The following NAALADL2 variants were observed in gnomAD, a reference collection of about 807,000 sequenced individuals.
The protein encoded by NAALADL2 is N-acetylated alpha-linked acidic dipeptidase like 2, also known as inactive N-acetylated-alpha-linked acidic dipeptidase-like protein 2.
A neutral mutation model predicts 87.2 loss-of-function variants in NAALADL2; 76 were observed. The observed-to-expected ratio is 0.87, with a 90% CI of 0.72 to 1.05. The LOEUF (loss-of-function observed/expected upper bound fraction) is 1.05, where lower values mean the gene tolerates loss of function less well. Ranked by LOEUF, NAALADL2 falls within the 50% of genes least tolerant of loss-of-function variation. The pLI, the probability that NAALADL2 is intolerant of heterozygous loss-of-function variation, is 0.00. For synonymous variants in NAALADL2, 354 were observed against 331.0 expected, an observed-to-expected ratio of 1.07 and a Z score of -0.75; for missense variants, 1,089 against 945.8, an observed-to-expected ratio of 1.15 and a Z score of -1.99.
chr3:174,629,879 G>A (rs1429568397), intron 2 of NAALADL2, among the ~76,000 whole-genome samples: 1 of 152,152 alleles, frequency 6.6e-6, no homozygotes, highest in East Asian at 1.9e-4. Context: ...GAGCAATTTT[G>A]CCCTGGACCA....
intron 1 of NAALADL2, among the ~76,000 whole-genome samples, chr3:174,507,244 T>G (rs1056025190): frequency 3.3e-5 from 5 of 152,210 alleles, no homozygotes; most frequent in African/African-American, 1.2e-4. Context: ...ACAGCCTTCC[T>G]TATTGATTTA....
chr3:174,844,047 G>A (rs1724321486), intron 3 of NAALADL2, among the ~76,000 whole-genome samples: 1 of 152,124 alleles, frequency 6.6e-6, no homozygotes, highest in South Asian at 2.1e-4. Flanking sequence ...CTATTTTTGA[G>A]TTTGTTGCAG....
chr3:174,827,436 C>T (rs1211819008), intron 3 of NAALADL2, among the ~76,000 whole-genome samples: 1 of 152,236 alleles, frequency 6.6e-6, no homozygotes, highest in East Asian at 1.9e-4. Context: ...CTTGTGGCCT[C>T]TCCCTCCATC....
chr3:174,859,272 A>G (rs1175781170), upstream of NAALADL2: 1 of 659,470 alleles, frequency 1.5e-6, no homozygotes, highest in Non-Finnish European at 2.7e-6. Context: ...CAGGAAGCAG[A>G]ATGGTAATTA....
intron 9 of NAALADL2, among the ~76,000 whole-genome samples, chr3:175,535,167 A>G (rs933724663): frequency 1.3e-5 from 2 of 152,184 alleles, no homozygotes; most frequent in Admixed American, 1.3e-4. Context: ...GGAGATAACA[A>G]TGTCCACTAT....
intron 2 of NAALADL2, among the ~76,000 whole-genome samples, chr3:175,211,115 G>A (rs1741709872): frequency 6.6e-6 from 1 of 151,830 alleles, no homozygotes; most frequent in Non-Finnish European, 1.5e-5. Context: ...ACTTTGAAAT[G>A]GAGCAGTTTA....
At chr3:174,922,775 C>T (rs9880696) in intron 1 of NAALADL2, among the ~76,000 whole-genome samples, 56,571 of 151,860 alleles carry the variant, frequency 0.37, 11,325 homozygotes, top group African/African-American at 0.53. Flanking sequence ...TTTTCCACAA[C>T]AACACTACTA....
chr3:174,950,049 A>G (rs891354318), intron 1 of NAALADL2, among the ~76,000 whole-genome samples: 11 of 152,276 alleles, frequency 7.2e-5, no homozygotes, highest in African/African-American at 2.6e-4. Context: ...CCGGTTTGCT[A>G]AGTATTGGTT....
At chr3:174,936,307 C>T (rs1484007891) in intron 1 of NAALADL2, among the ~76,000 whole-genome samples, 3 of 151,958 alleles carry the variant, frequency 2.0e-5, no homozygotes, top group African/African-American at 7.3e-5. Flanking sequence ...TTACTTTGTA[C>T]TCTACATGTA....
At chr3:175,024,409 T>G (rs745843044) in intron 1 of NAALADL2, among the ~76,000 whole-genome samples, 10 of 151,930 alleles carry the variant, frequency 6.6e-5, no homozygotes, top group Non-Finnish European at 1.2e-4. Context: ...ACTACTGAAA[T>G]GCAAAAAGGG....
chr3:175,229,306 TGAA>T (rs1744600992), intron 2 of NAALADL2, among the ~76,000 whole-genome samples: 1 of 151,804 alleles, frequency 6.6e-6, no homozygotes, highest in South Asian at 2.1e-4. Flanking sequence ...ATAGAAAAAA[TGAA>T]GAAAATTGTT....
chr3:175,644,429 T>C (rs1480818510), intron 11 of NAALADL2, among the ~76,000 whole-genome samples: 1 of 152,126 alleles, frequency 6.6e-6, no homozygotes, highest in Non-Finnish European at 1.5e-5. Context: ...ATGTTGATGA[T>C]ACTGAGGATA....
At chr3:175,198,292 A>G (rs1032288453) in intron 2 of NAALADL2, among the ~76,000 whole-genome samples, 1 of 152,060 alleles carries the variant, frequency 6.6e-6, no homozygotes, top group Admixed American at 6.6e-5. Context: ...ATTTTACATT[A>G]ATGGAAAAAG....
chr3:175,151,724 G>C (rs781446301), intron 2 of NAALADL2, among the ~76,000 whole-genome samples: 8 of 151,932 alleles, frequency 5.3e-5, no homozygotes, highest in Non-Finnish European at 1.0e-4. Context: ...CGACTTTATG[G>C]AAATTTAAAA....
chr3:175,115,772 A>G (rs1979333), intron 2 of NAALADL2, among the ~76,000 whole-genome samples: 91,578 of 151,332 alleles, frequency 0.61, 28,215 homozygotes, highest in African/African-American at 0.73. Flanking sequence ...GATCGAGCGC[A>G]TTCAGGGGAA....
chr3:175,761,594 G>T (rs961435623), intron 13 of NAALADL2, among the ~76,000 whole-genome samples: 1 of 151,814 alleles, frequency 6.6e-6, no homozygotes, highest in African/African-American at 2.4e-5. Flanking sequence ...TTTCCAAGGG[G>T]CTATATCATT....
chr3:174,619,084 A>T (rs1462173287), intron 2 of NAALADL2, among the ~76,000 whole-genome samples: 1 of 151,938 alleles, frequency 6.6e-6, no homozygotes, highest in Non-Finnish European at 1.5e-5. Flanking sequence ...GTCAAGGTTA[A>T]AGCAGAAGTA....
At chr3:175,045,247 C>T (rs779497411) in intron 1 of NAALADL2, among the ~76,000 whole-genome samples, 3 of 152,114 alleles carry the variant, frequency 2.0e-5, no homozygotes, top group African/African-American at 4.8e-5. Flanking sequence ...TCACACTCTC[C>T]GTGGACACTC....
At chr3:175,519,398 G>C (rs540974860) in intron 9 of NAALADL2, among the ~76,000 whole-genome samples, 2 of 152,252 alleles carry the variant, frequency 1.3e-5, no homozygotes, top group South Asian at 4.1e-4. Context: ...TGCCACTGAG[G>C]CCTTCATTTT....
Sources: gnomAD v4.1 joint callset for allele counts (sites outside exome capture counted in the v4.1 genomes callset) on GRCh38, gnomAD v4.1.1 for gene constraint, MANE v1.5 for transcripts, NCBI Gene and HGNC (gene_info 2026-07-23, HGNC 2026-07-21) for gene names.